The following FBXO45 variants were observed in gnomAD, a reference collection of about 807,000 sequenced individuals.
FBXO45 encodes the protein F-box protein 45, also known as F-box/SPRY domain-containing protein 1.
A neutral mutation model predicts 25.5 loss-of-function variants in FBXO45; 3 were observed. The observed-to-expected ratio is 0.12, with a 90% CI of 0.05 to 0.30. The LOEUF is 0.30. Ranked by LOEUF, FBXO45 falls within the 10% of genes least tolerant of loss-of-function variation. The pLI is 1.00. For missense variants in FBXO45, 219 were observed against 365.0 expected (o/e 0.60, Z 3.26); for synonymous variants, 155 against 149.8 (o/e 1.03, Z -0.25).
chr3:196,572,807 C>G (rs1260403788), intron 1 of FBXO45, among the ~76,000 whole-genome samples: 1 of 152,076 alleles, frequency 6.6e-6, no homozygotes, highest in Non-Finnish European at 1.5e-5. Flanking sequence ...TAGAAATGGG[C>G]AGATTTAGTA....
intron 2 of FBXO45, among the ~76,000 whole-genome samples, chr3:196,578,897 A>C (rs1394104673): frequency 2.6e-5 from 4 of 152,058 alleles, no homozygotes; most frequent in African/African-American, 9.7e-5. Flanking sequence ...AAGCCAAAGG[A>C]TTGAATACCC....
intron 1 of FBXO45, among the ~76,000 whole-genome samples, chr3:196,575,811 G>T (rs1176038087): frequency 6.6e-6 from 1 of 151,738 alleles, no homozygotes; most frequent in Non-Finnish European, 1.5e-5. Flanking sequence ...CAAGTAGCTG[G>T]GATTACAAGC....
rs577263306 is a variant in FBXO45, at chr3:196,586,457, C to A, written c.*2139C>A. ...TTCTTATCTCAAAGATTTAAATTCC[C>A]GAATGTCCCATTCGCAAATCATATG... On this transcript the variant is annotated 3_prime_UTR_variant, in exon 3 of 3. Coordinates refer to ENST00000311630, the MANE Select transcript of FBXO45 (RefSeq NM_001105573.2). 6.6e-6 allele frequency: 1 copy of A among 152,118 alleles called. No homozygotes were observed. Among genetic ancestry groups the A allele is most frequent in the Non-Finnish European group, 1.5e-5 (1 of 68,022 alleles). 9.4% of individuals were successfully genotyped at this position (152,118 alleles called of 1,614,324 possible).
intron 1 of FBXO45, among the ~76,000 whole-genome samples, chr3:196,575,468 A>C (rs1037073829): frequency 6.6e-5 from 10 of 151,810 alleles, no homozygotes; most frequent in Non-Finnish European, 1.5e-4. Flanking sequence ...AAAAAAAAAA[A>C]AAAAGAAAAG....
rs1196867210 is a variant in FBXO45, at chr3:196,578,043, A to ATTTTTTTTTTTT, written c.675+236_675+237insTTTTTTTTTTTT. On this transcript the variant is annotated intron_variant, in intron 2 of 2. Coordinates refer to ENST00000311630, the MANE Select transcript of FBXO45 (RefSeq NM_001105573.2). ...TTTGATTTTGGCTATGCAGAAAAAT[A>ATTTTTTTTTTTT]TTCTTTTTTTTTTTTTAGACAGAAT... 8.7e-4 allele frequency among the ~76,000 whole-genome samples: 22 copies of ATTTTTTTTTTTT among 25,160 alleles called. 1 individual carries two copies. The highest frequency in any genetic ancestry group is 3.3e-3 in the African/African-American group (13 of 3,974). The allele number at this position is 25,160 out of a possible 152,430, so 16.5% of individuals were successfully genotyped here. A position where few individuals can be genotyped will look rare whatever the true frequency, so the allele number is the denominator to read the frequency against.
chr3:196,569,329 G>T lies in FBXO45; in HGVS notation c.318+27G>T, dbSNP rs1222708818. On this transcript the variant is annotated intron_variant, in intron 1 of 2. Transcript: ENST00000311630. This position sits in a 1 kb window ranked among gnomAD's most constrained non-coding sequence, Gnocchi z 4.1. ...TGAGAGAGCCCCGGGCCACACCGCTGCCCCCAGTCCCGCTCCCCGGCGTCG... is the reference window on the plus strand; with the variant it reads ...TGAGAGAGCCCCGGGCCACACCGCTTCCCCCAGTCCCGCTCCCCGGCGTCG... The T allele has an allele frequency of 2.0e-6, 3 of 1,481,312 alleles. No homozygotes were observed. In the Admixed American group the frequency reaches 6.2e-5, roughly 31 times the overall value. 91.8% of individuals were successfully genotyped at this position (1,481,312 alleles called of 1,614,324 possible).
At chr3:196,574,185 G>A (rs573030768) in intron 1 of FBXO45, among the ~76,000 whole-genome samples, 3 of 152,048 alleles carry the variant, frequency 2.0e-5, no homozygotes, top group Admixed American at 1.3e-4. Flanking sequence ...CGCCTGCCTC[G>A]GCCTCCTGAA....
chr3:196,581,552 A>G (rs1362340108), intron 2 of FBXO45, among the ~76,000 whole-genome samples: 1 of 152,048 alleles, frequency 6.6e-6, no homozygotes, highest in Non-Finnish European at 1.5e-5. Flanking sequence ...TTTTTAGAGT[A>G]AATTTCCTTT....
chr3:196,569,451 A>G lies in FBXO45; in HGVS notation c.318+149A>G, dbSNP rs1195241932. ...GTCAGTATCTTCCTCACCTCCCCCC[A>G]AGATAAAGATTCTCTTTTCTTTGGA... is the stretch of plus-strand genomic sequence containing the variant. On this transcript the variant is annotated intron_variant, in intron 1 of 2. Transcript: ENST00000311630. This position sits in a 1 kb window ranked among gnomAD's most constrained non-coding sequence, Gnocchi z 4.1. 4.3e-6 allele frequency: 3 copies of G among 693,552 alleles called. No individual in the cohort carries two copies. Among genetic ancestry groups the G allele is most frequent in the Admixed American group, 6.2e-5 (2 of 32,106 alleles). 43.0% of individuals were successfully genotyped at this position (693,552 alleles called of 1,614,324 possible). A position where few individuals can be genotyped will look rare whatever the true frequency, so the allele number is the denominator to read the frequency against.
At chr3:196,582,845 A>G (rs539583579) in intron 2 of FBXO45, among the ~76,000 whole-genome samples, 1 of 152,172 alleles carries the variant, frequency 6.6e-6, no homozygotes, top group Non-Finnish European at 1.5e-5. Flanking sequence ...TGTAAACTTT[A>G]AAAGCTGTGT....
chr3:196,582,963 T>C (rs1736038932), intron 2 of FBXO45, among the ~76,000 whole-genome samples: 1 of 152,178 alleles, frequency 6.6e-6, no homozygotes. Flanking sequence ...CACACCTCTC[T>C]CTATACCCAA....
intron 2 of FBXO45, among the ~76,000 whole-genome samples, chr3:196,578,246 A>T (rs1026782626): frequency 1.3e-5 from 2 of 151,978 alleles, no homozygotes. Context: ...CATCTTGGCC[A>T]GGCTGGTCTT....
At chr3:196,576,227 C>T (rs553715781) in intron 1 of FBXO45, among the ~76,000 whole-genome samples, 6 of 152,280 alleles carry the variant, frequency 3.9e-5, no homozygotes, top group East Asian at 3.9e-4. Flanking sequence ...CACTAACTCG[C>T]GGTTGAAATC....
intron 1 of FBXO45, among the ~76,000 whole-genome samples, chr3:196,576,632 C>T (rs979504581): frequency 1.3e-5 from 2 of 152,298 alleles, no homozygotes; most frequent in South Asian, 4.1e-4. Context: ...TATTTTCATA[C>T]CCTCTTTATT....
At chr3:196,580,366 C>G (rs1441308994) in intron 2 of FBXO45, among the ~76,000 whole-genome samples, 1 of 152,154 alleles carries the variant, frequency 6.6e-6, no homozygotes, top group African/African-American at 2.4e-5. Context: ...CATGCGCCAC[C>G]ACACCCAGCT....
At position 196,584,823 on chromosome 3, in the gene FBXO45, G is replaced by C. The variant is rs1433215800; in HGVS notation, c.*505G>C. On this transcript the variant is annotated 3_prime_UTR_variant, in exon 3 of 3. Transcript: ENST00000311630. The surrounding 1 kb of genome is among the most constrained non-coding windows in gnomAD (Gnocchi z 4.3). ...CTGCCTGGACTGCACTTCTCTAAAAGTGAGATATAAAATTGTGCAGCTATT... is the reference window on the plus strand; with the variant it reads ...CTGCCTGGACTGCACTTCTCTAAAACTGAGATATAAAATTGTGCAGCTATT... The C allele has an allele frequency of 6.6e-6, 1 of 151,814 alleles. No homozygotes were observed. The highest frequency in any genetic ancestry group is 1.5e-5 in the Non-Finnish European group (1 of 68,010). 9.4% of individuals were successfully genotyped at this position (151,814 alleles called of 1,614,324 possible). A position where few individuals can be genotyped will look rare whatever the true frequency, so the allele number is the denominator to read the frequency against.
chr3:196,570,923 G>A (rs760712511), intron 1 of FBXO45, among the ~76,000 whole-genome samples: 30 of 151,788 alleles, frequency 2.0e-4, no homozygotes, highest in Non-Finnish European at 3.8e-4. Flanking sequence ...GTGTTAACCA[G>A]CATGGTCTCA....
intron 1 of FBXO45, among the ~76,000 whole-genome samples, chr3:196,571,383 A>G (rs13325541): frequency 0.03 from 4,598 of 152,142 alleles, 201 homozygotes; most frequent in African/African-American, 0.1. Context: ...ATGTGCCACC[A>G]CACTGGCTAA....
At chr3:196,572,450 A>G (rs926322307) in intron 1 of FBXO45, among the ~76,000 whole-genome samples, 1 of 152,236 alleles carries the variant, frequency 6.6e-6, no homozygotes, top group Non-Finnish European at 1.5e-5. Context: ...TCTCAGATCC[A>G]TGTACTGAGA....
Sources: gnomAD v4.1 joint callset for allele counts (sites outside exome capture counted in the v4.1 genomes callset) on GRCh38, gnomAD v4.1.1 for gene constraint, Gnocchi (gnomAD v3.1) non-coding constraint, MANE v1.5 for transcripts, NCBI Gene and HGNC (gene_info 2026-07-23, HGNC 2026-07-21) for gene names.